TOP6BL: variants seen among roughly 807,000 people sequenced by gnomAD.
TOP6BL encodes the protein TOP6B like initiator of meiotic double strand breaks.
chr11:66,783,023 A>G, the TOP6BL span, among the ~76,000 whole-genome samples: 3 of 152,170 alleles, frequency 2.0e-5, no homozygotes, highest in Non-Finnish European at 2.9e-5. Context: ...TAAGTCTCTC[A>G]TTTTGTAATG....
the TOP6BL span, among the ~76,000 whole-genome samples, chr11:66,772,044 C>T: frequency 7.2e-5 from 11 of 152,184 alleles, no homozygotes; most frequent in South Asian, 1.7e-3. Flanking sequence ...TAAGAGCATT[C>T]GTCATTCATA....
the TOP6BL span, among the ~76,000 whole-genome samples, chr11:66,764,362 A>C: frequency 6.6e-6 from 1 of 152,020 alleles, no homozygotes; most frequent in Non-Finnish European, 1.5e-5. Flanking sequence ...CTTTGAAAGA[A>C]GTGAAAATCG....
the TOP6BL span, among the ~76,000 whole-genome samples, chr11:66,792,465 A>G: frequency 1.3e-5 from 2 of 152,210 alleles, no homozygotes; most frequent in African/African-American, 4.8e-5. Flanking sequence ...GGCTCCATAA[A>G]AAATAATGAT....
the TOP6BL span, among the ~76,000 whole-genome samples, chr11:66,779,314 C>G: frequency 2.0e-5 from 3 of 151,882 alleles, no homozygotes; most frequent in Non-Finnish European, 4.4e-5. Context: ...AACAAATTTA[C>G]AAGAAAAAAA....
the TOP6BL span, among the ~76,000 whole-genome samples, chr11:66,786,465 T>A: frequency 6.6e-6 from 1 of 152,320 alleles, no homozygotes; most frequent in African/African-American, 2.4e-5. Context: ...TTGTTTCACC[T>A]TTTTACATTT....
chr11:66,842,931 G>C, the TOP6BL span: 1 of 1,559,998 alleles, frequency 6.4e-7, no homozygotes, highest in South Asian at 1.2e-5. Context: ...GCTCTGCCAG[G>C]GCCCCGAGCC....
At chr11:66,748,606 C>T in the TOP6BL span, 2 of 1,012,196 alleles carry the variant, frequency 2.0e-6, no homozygotes, top group South Asian at 4.0e-5. Flanking sequence ...AATCTTTTAT[C>T]ATGTTATTCC....
the TOP6BL span, among the ~76,000 whole-genome samples, chr11:66,794,681 A>G: frequency 6.6e-6 from 1 of 152,176 alleles, no homozygotes; most frequent in Non-Finnish European, 1.5e-5. Flanking sequence ...AAGTGTTTGT[A>G]GTATATTGGC....
At chr11:66,812,619 A>C in the TOP6BL span, among the ~76,000 whole-genome samples, 2 of 152,178 alleles carry the variant, frequency 1.3e-5, no homozygotes, top group East Asian at 3.8e-4. Flanking sequence ...ACTGGGTAGG[A>C]ATTTTAATCT....
At chr11:66,813,873 A>T in the TOP6BL span, 1 of 1,613,914 alleles carries the variant, frequency 6.2e-7, no homozygotes, top group Non-Finnish European at 8.5e-7. Context: ...ACATATTTCT[A>T]TATGGACCTT....
the TOP6BL span, among the ~76,000 whole-genome samples, chr11:66,802,178 G>A: frequency 3.6e-5 from 5 of 140,182 alleles, no homozygotes; most frequent in African/African-American, 1.3e-4. Context: ...TTTTTTTTTT[G>A]AGACGGAGTC....
At chr11:66,776,686 G>A in the TOP6BL span, among the ~76,000 whole-genome samples, 3 of 152,126 alleles carry the variant, frequency 2.0e-5, no homozygotes, top group African/African-American at 4.8e-5. Flanking sequence ...CTCCTGTTAA[G>A]TTTAGGAAAT....
At chr11:66,800,521 A>C in the TOP6BL span, 1 of 706,330 alleles carries the variant, frequency 1.4e-6, no homozygotes, top group South Asian at 2.0e-5. Context: ...TTATCAATTA[A>C]AAGTAATGTT....
chr11:66,750,104 T>A, the TOP6BL span, among the ~76,000 whole-genome samples: 1 of 152,180 alleles, frequency 6.6e-6, no homozygotes, highest in East Asian at 1.9e-4. Flanking sequence ...TCAATATCCA[T>A]TTTTTAGAAC....
the TOP6BL span, among the ~76,000 whole-genome samples, chr11:66,783,972 T>C: frequency 6.6e-6 from 1 of 152,132 alleles, no homozygotes; most frequent in Non-Finnish European, 1.5e-5. Context: ...ACTAGAGCTG[T>C]GCACCACCAC....
At chr11:66,758,122 AG>A in the TOP6BL span, 1 of 984,298 alleles carries the variant, frequency 1.0e-6, no homozygotes, top group Non-Finnish European at 1.2e-6. Context: ...TCTCTGGGGA[AG>A]GGCATATTCA....
chr11:66,801,834 AAAAT>A, the TOP6BL span, among the ~76,000 whole-genome samples: 2 of 152,160 alleles, frequency 1.3e-5, no homozygotes, highest in Non-Finnish European at 2.9e-5. Flanking sequence ...TGTCTCAAAA[AAAAT>A]AAATAAATAA....
the TOP6BL span, among the ~76,000 whole-genome samples, chr11:66,795,362 C>A: frequency 2.0e-5 from 3 of 148,810 alleles, no homozygotes; most frequent in African/African-American, 5.0e-5. Flanking sequence ...AGTGCAGGGG[C>A]ACCATCTTGG....
the TOP6BL span, among the ~76,000 whole-genome samples, chr11:66,812,255 T>C: frequency 3.5e-4 from 53 of 149,786 alleles, no homozygotes; most frequent in Non-Finnish European, 6.0e-4. Flanking sequence ...CGGCTCACTG[T>C]AAGCTCTGCC....
Sources: allele counts gnomAD v4.1 joint callset (sites outside exome capture counted in the v4.1 genomes callset), GRCh38; gene constraint gnomAD v4.1.1; transcripts MANE v1.5; gene names NCBI Gene and HGNC (gene_info 2026-07-23, HGNC 2026-07-21).